DMD: variants seen among roughly 807,000 people sequenced by gnomAD.
DMD encodes the protein dystrophin.
A neutral mutation model predicts 330.1 loss-of-function variants in DMD; 63 were observed. That is an observed-to-expected ratio of 0.19 (90% confidence interval 0.16 to 0.24). DMD has a LOEUF of 0.24. DMD is among the 10% of genes least tolerant of loss of function. DMD has a pLI of 1.00. For synonymous variants in DMD, 1,223 were observed against 959.8 expected (o/e 1.27, Z -5.07); for missense variants, 3,344 against 2,684.1 (o/e 1.25, Z -5.43).
chrX:32,338,695 T>G (rs1198850035), intron 41 of DMD, among the ~76,000 whole-genome samples: 1 of 111,209 alleles, frequency 9.0e-6, no homozygotes, highest in Admixed American at 9.7e-5. Flanking sequence ...TCCTTAGCAG[T>G]TTCACATGAC....
chrX:33,081,713 C>A (rs1234515685), intron 1 of DMD, among the ~76,000 whole-genome samples: 1 of 111,701 alleles, frequency 9.0e-6, no homozygotes, highest in Admixed American at 9.5e-5. Flanking sequence ...TCCGGGTGAC[C>A]AAAAGCATGC....
At chrX:31,362,926 G>T (rs1471463454) in intron 60 of DMD, among the ~76,000 whole-genome samples, 1 of 112,323 alleles carries the variant, frequency 8.9e-6, no homozygotes, top group Non-Finnish European at 1.9e-5. Flanking sequence ...CTCCAGCCTG[G>T]GTGACAGAGT....
At position 31,206,672 on chromosome X, in the gene DMD, T is replaced by C. The variant is rs201390145; in HGVS notation, c.9564-5A>G. On this transcript the variant is annotated splice_region_variant and splice_polypyrimidine_tract_variant and intron_variant, in intron 65 of 78. Transcript: ENST00000357033. ...CGGATCCTCCCTGTTCGTCCCCTAT[T>C]ATGAAGAATCAAAGCAGAAAACAAT... 6.7e-5 allele frequency: 80 copies of C among 1,197,725 alleles called. No individual in the cohort carries two copies. The African/African-American group carries it at 1.1e-3, about 17-fold the overall frequency.
At chrX:32,523,091 A>T (rs1374222850) in intron 17 of DMD, among the ~76,000 whole-genome samples, 1 of 111,883 alleles carries the variant, frequency 8.9e-6, no homozygotes, top group African/African-American at 3.3e-5. Flanking sequence ...GCTGAAGCCT[A>T]TGTTGGAGAA....
chrX:31,332,682 T>G (rs762304621), intron 61 of DMD, among the ~76,000 whole-genome samples: 1 of 111,827 alleles, frequency 8.9e-6, no homozygotes, highest in Non-Finnish European at 1.9e-5. Flanking sequence ...TAGTAAATTG[T>G]TCTAGTCTCA....
intron 11 of DMD, among the ~76,000 whole-genome samples, chrX:32,634,768 G>A (rs1385731925): frequency 8.9e-6 from 1 of 111,799 alleles, no homozygotes; most frequent in Non-Finnish European, 1.9e-5. Flanking sequence ...CGGAAGGAAG[G>A]AGTCTTTCCT....
intron 55 of DMD, among the ~76,000 whole-genome samples, chrX:31,567,905 A>ATCTT (rs762312861): frequency 1.8e-5 from 2 of 111,452 alleles, no homozygotes; most frequent in African/African-American, 6.5e-5. Context: ...AGGAAGCTTA[A>ATCTT]TCTTTAAAAA....
chrX:32,907,441 A>G lies in DMD; in HGVS notation c.94-57621T>C, dbSNP rs758502184. Among the ~76,000 whole-genome samples, 3 of 112,134 alleles carry G rather than the reference A, an allele frequency of 2.7e-5. No homozygotes were observed. In the South Asian group the frequency reaches 1.1e-3, roughly 41 times the overall value. On this transcript the variant is annotated intron_variant, in intron 2 of 78. Coordinates refer to ENST00000357033, the MANE Select transcript of DMD (RefSeq NM_004006.3). The stretch of plus-strand genomic sequence containing the variant: ...TATCTCACTATAGATTGTACTAAAT[A>G]TTGTATCTATCCTTCATGTACATAC...
chrX:32,996,454 A>T (rs1446641135), intron 2 of DMD, among the ~76,000 whole-genome samples: 1 of 111,717 alleles, frequency 9.0e-6, no homozygotes, highest in Non-Finnish European at 1.9e-5. Context: ...GAAGGATATT[A>T]AAGTACTTTA....
At chrX:33,077,828 T>C (rs986630152) in intron 1 of DMD, among the ~76,000 whole-genome samples, 6 of 112,460 alleles carry the variant, frequency 5.3e-5, no homozygotes, top group African/African-American at 1.9e-4. Context: ...GAATAGCTAA[T>C]AGTTTACTAT....
chrX:32,418,972 C>CAAAAAAAAAAAAAAAAAAAAAAA lies in DMD; in HGVS notation c.4072-7082_4072-7060dup, dbSNP rs1160282195. ...TGGGTGACAGAGTGAGACTCTGTCT[C>CAAAAAAAAAAAAAAAAAAAAAAA]AAAAAAAAAAAAAAAAAAAAAAAAA... is the stretch of plus-strand genomic sequence containing the variant. On this transcript the variant is annotated intron_variant, in intron 29 of 78. Coordinates refer to ENST00000357033, the MANE Select transcript of DMD (RefSeq NM_004006.3). Among the ~76,000 whole-genome samples, 27 of 13,506 alleles carry CAAAAAAAAAAAAAAAAAAAAAAA rather than the reference C, an allele frequency of 2.0e-3. 1 individual carries two copies. The highest frequency in any genetic ancestry group is 3.4e-3 in the Non-Finnish European group (23 of 6,717). 11.7% of individuals were successfully genotyped at this position (13,506 alleles called of 115,157 possible).
intron 1 of DMD, among the ~76,000 whole-genome samples, chrX:33,302,421 T>A (rs1341769599): frequency 2.7e-5 from 3 of 112,094 alleles, no homozygotes; most frequent in African/African-American, 9.7e-5. Context: ...ATTTCTAGGT[T>A]GATAGGTAAA....
At chrX:33,053,717 A>G (rs919096116) in intron 1 of DMD, among the ~76,000 whole-genome samples, 2 of 112,206 alleles carry the variant, frequency 1.8e-5, no homozygotes, top group Non-Finnish European at 3.8e-5. Flanking sequence ...CAAAAAGGAG[A>G]CATCACCTAA....
At chrX:31,684,511 C>G (rs989870307) in intron 52 of DMD, among the ~76,000 whole-genome samples, 12 of 111,918 alleles carry the variant, frequency 1.1e-4, no homozygotes, top group Non-Finnish European at 2.1e-4. Context: ...TTTAACTCAT[C>G]TCCCTGGCTT....
chrX:32,899,414 G>A (rs5928105), intron 2 of DMD, among the ~76,000 whole-genome samples: 53,208 of 109,329 alleles, frequency 0.49, 10,182 homozygotes, highest in East Asian at 0.82. Flanking sequence ...GGTGGCTCAC[G>A]CCTGCAATCA....
At chrX:31,222,938 G>T (rs1014946251) in intron 64 of DMD, 109 bp downstream of exon 64, 29 of 652,084 alleles carry the variant, frequency 4.4e-5, no homozygotes, top group Non-Finnish European at 6.9e-5. Context: ...ATTGCAACAG[G>T]AATTGTGACA....
At chrX:32,973,790 A>C (rs757164112) in intron 2 of DMD, among the ~76,000 whole-genome samples, 1 of 112,042 alleles carries the variant, frequency 8.9e-6, no homozygotes, top group Non-Finnish European at 1.9e-5. Flanking sequence ...TACACAGCAA[A>C]AGTAAGTGGG....
At chrX:31,448,454 T>C (rs1028067996) in intron 59 of DMD, among the ~76,000 whole-genome samples, 5 of 111,918 alleles carry the variant, frequency 4.5e-5, no homozygotes, top group Non-Finnish European at 9.4e-5. Context: ...ACCTTCACCC[T>C]GTAAAGGGTG....
chrX:31,345,987 A>G (rs1662110380), intron 61 of DMD, among the ~76,000 whole-genome samples: 1 of 111,339 alleles, frequency 9.0e-6, no homozygotes, highest in South Asian at 3.9e-4. Flanking sequence ...GGAGACACAC[A>G]TGACAACATC....
Sources: allele counts gnomAD v4.1 joint callset (sites outside exome capture counted in the v4.1 genomes callset), GRCh38; gene constraint gnomAD v4.1.1; transcripts MANE v1.5; gene names NCBI Gene and HGNC (gene_info 2026-07-23, HGNC 2026-07-21).